The following BRAF variants were observed in gnomAD, a reference collection of about 807,000 sequenced individuals.
BRAF encodes serine/threonine-protein kinase B-raf.
In BRAF, 16 loss-of-function variants were observed where a neutral mutation model predicts 104.6. That is an observed-to-expected ratio of 0.15 (90% confidence interval 0.10 to 0.23). BRAF has a LOEUF of 0.23. Ranked by LOEUF, BRAF falls within the 10% of genes least tolerant of loss-of-function variation. The pLI is 1.00. For missense variants in BRAF, 541 were observed against 937.3 expected, an observed-to-expected ratio of 0.58 and a Z score of 5.52; for synonymous variants, 310 against 341.6, an observed-to-expected ratio of 0.91 and a Z score of 1.02.
At chr7:140,851,014 G>A (rs1249652592) in intron 1 of BRAF, among the ~76,000 whole-genome samples, 2 of 152,080 alleles carry the variant, frequency 1.3e-5, no homozygotes, top group African/African-American at 2.4e-5. Context: ...ATTAAATAGG[G>A]AAATTCCTTG....
chr7:140,882,203 C>CA (rs1812997879), intron 1 of BRAF, among the ~76,000 whole-genome samples: 1 of 152,114 alleles, frequency 6.6e-6, no homozygotes, highest in South Asian at 2.1e-4. Context: ...AAAATGTCTA[C>CA]AATCCTTTCT....
rs1189530026 is a variant in BRAF, at chr7:140,924,527, C to G, written c.138+39G>C. ...AATAAACACCAGCCAGCCGCCGAGC[C>G]CGGAGTCGGGAGGGCGGCAGGGTGG... On this transcript the variant is annotated intron_variant, in intron 1 of 19. Coordinates refer to ENST00000644969, the MANE Select transcript of BRAF (RefSeq NM_001374258.1). The surrounding 1 kb of genome is among the most constrained non-coding windows in gnomAD (Gnocchi z 4.2). The G allele has an allele frequency of 1.3e-6, 2 of 1,533,288 alleles. No individual in the cohort carries two copies. The highest frequency in any genetic ancestry group is 2.4e-5 in the East Asian group (1 of 41,018). The allele number at this position is 1,533,288 out of a possible 1,614,324, so 95.0% of individuals were successfully genotyped here.
chr7:140,726,513 TCTC>T lies in BRAF; in HGVS notation c.2402_2404del (p.Gly801del). 1.3e-6 allele frequency: 2 copies of T among 1,536,184 alleles called. No homozygotes were observed. The highest frequency in any genetic ancestry group is 2.4e-5 in the South Asian group (2 of 84,054). On this transcript the variant is annotated inframe_deletion and splice_region_variant, in exon 20 of 20. Transcript: ENST00000644969. The stretch of plus-strand genomic sequence containing the variant: ...TGGTGGCTACTTGAAGGCTGCAAAT[TCTC>T]CTGTAGAGGGAGGACAAGAGCTAAT...
intron 7 of BRAF, among the ~76,000 whole-genome samples, chr7:140,795,771 T>C (rs1258673570): frequency 6.6e-6 from 1 of 152,164 alleles, no homozygotes; most frequent in Non-Finnish European, 1.5e-5. Flanking sequence ...AATAATAAAA[T>C]ATTATGTACT....
At chr7:140,778,483 A>G (rs191788344) in intron 12 of BRAF, among the ~76,000 whole-genome samples, 38 of 152,274 alleles carry the variant, frequency 2.5e-4, no homozygotes, top group Admixed American at 2.2e-3. Flanking sequence ...TAAAAGTAGG[A>G]AACTATAAAA....
chr7:140,734,418 A>T, intron 19 of BRAF: 1 of 1,497,264 alleles, frequency 6.7e-7, no homozygotes, highest in Non-Finnish European at 8.8e-7. Flanking sequence ...TTAAAAATCC[A>T]ATGTTAAGTA....
At chr7:140,831,841 G>A (rs895606475) in intron 3 of BRAF, among the ~76,000 whole-genome samples, 1 of 152,126 alleles carries the variant, frequency 6.6e-6, no homozygotes, top group Non-Finnish European at 1.5e-5. Context: ...ACATGACTTT[G>A]TCTTCCTGCC....
chr7:140,891,510 C>A (rs1191459359), intron 1 of BRAF, among the ~76,000 whole-genome samples: 1 of 151,950 alleles, frequency 6.6e-6, no homozygotes, highest in African/African-American at 2.4e-5. Flanking sequence ...TATTGTATTA[C>A]TTTTTACTGT....
At chr7:140,727,778 G>A (rs1471925325) in intron 19 of BRAF, among the ~76,000 whole-genome samples, 4 of 151,904 alleles carry the variant, frequency 2.6e-5, no homozygotes, top group African/African-American at 7.3e-5. Context: ...ATGAAGCCAC[G>A]CCCGGCTAAT....
intron 1 of BRAF, among the ~76,000 whole-genome samples, chr7:140,890,393 C>T (rs1317055540): frequency 2.6e-5 from 4 of 152,144 alleles, no homozygotes; most frequent in Admixed American, 2.6e-4. Context: ...TACCAAATCC[C>T]TGTATGTGCT....
chr7:140,809,311 T>C (rs1803977493), intron 3 of BRAF, among the ~76,000 whole-genome samples: 1 of 152,170 alleles, frequency 6.6e-6, no homozygotes, highest in Admixed American at 6.6e-5. Context: ...CACTGAGCAA[T>C]AATAGATGTC....
intron 14 of BRAF, among the ~76,000 whole-genome samples, chr7:140,768,090 A>G (rs1381965215): frequency 6.6e-6 from 1 of 152,226 alleles, no homozygotes. Flanking sequence ...AACAACAGCA[A>G]GAAACCATTG....
intron 19 of BRAF, chr7:140,732,166 GTC>G (rs1796021258): frequency 2.9e-5 from 1 of 34,380 alleles, no homozygotes; most frequent in Non-Finnish European, 6.3e-5. Context: ...GCGAGACTCT[GTC>G]TCAAAAAAAA....
chr7:140,825,594 C>T (rs1164591295), intron 3 of BRAF, among the ~76,000 whole-genome samples: 1 of 152,162 alleles, frequency 6.6e-6, no homozygotes, highest in African/African-American at 2.4e-5. Context: ...AGTAAACCTT[C>T]TTGGACAATT....
At chr7:140,901,961 T>G (rs1297899554) in intron 1 of BRAF, among the ~76,000 whole-genome samples, 1 of 152,268 alleles carries the variant, frequency 6.6e-6, no homozygotes, top group Non-Finnish European at 1.5e-5. Context: ...ACAAAGGTGC[T>G]AAATATTTAT....
At chr7:140,908,878 T>C (rs1393769457) in intron 1 of BRAF, among the ~76,000 whole-genome samples, 1 of 137,374 alleles carries the variant, frequency 7.3e-6, no homozygotes, top group Admixed American at 7.2e-5. Context: ...GCAACTGCCT[T>C]TAGGGCAAAA....
intron 1 of BRAF, among the ~76,000 whole-genome samples, chr7:140,878,122 A>G (rs1812471148): frequency 6.6e-6 from 1 of 152,244 alleles, no homozygotes; most frequent in African/African-American, 2.4e-5. Flanking sequence ...AAAAAAAGAA[A>G]TCACAAGAAA....
downstream of BRAF, among the ~76,000 whole-genome samples, chr7:140,716,852 G>A (rs1409375258): frequency 6.6e-6 from 1 of 152,188 alleles, no homozygotes; most frequent in African/African-American, 2.4e-5. Context: ...GGTTCCAATT[G>A]CCCCTAGAAC....
intron 17 of BRAF, chr7:140,741,632 G>A (rs1351796098): frequency 6.6e-6 from 1 of 152,158 alleles, no homozygotes; most frequent in Non-Finnish European, 1.5e-5. Context: ...CTCAGGCAGA[G>A]AGATTGTGAC....
Sources: allele counts gnomAD v4.1 joint callset (sites outside exome capture counted in the v4.1 genomes callset), GRCh38; gene constraint gnomAD v4.1.1; non-coding constraint Gnocchi (gnomAD v3.1); transcripts MANE v1.5; gene names NCBI Gene and HGNC (gene_info 2026-07-23, HGNC 2026-07-21).